Variants in ZFHX4 observed in about 807,000 individuals in gnomAD.
ZFHX4 encodes the protein zinc finger homeobox protein 4.
ZFHX4 carries 56 observed loss-of-function variants against 267.6 expected under a neutral mutation model. The ratio of observed to expected loss-of-function variants is 0.21; its 90% CI spans 0.17 to 0.26. The LOEUF is 0.26. Ranked by LOEUF, ZFHX4 falls within the 10% of genes least tolerant of loss-of-function variation. ZFHX4 has a pLI of 1.00. For missense variants in ZFHX4, 4,332 were observed against 4,420.0 expected, an observed-to-expected ratio of 0.98 and a Z score of 0.56; for synonymous variants, 1,778 against 1,665.6, an observed-to-expected ratio of 1.07 and a Z score of -1.64.
chr8:76,856,472 C>A (rs1394690413), intron 10 of ZFHX4, 172 bp downstream of exon 10: 1 of 727,388 alleles, frequency 1.4e-6, no homozygotes, highest in East Asian at 2.7e-5. Context: ...GGAAGTAGGT[C>A]AACCTGAAAC....
chr8:76,752,489 A>AC (rs1809643783), intron 3 of ZFHX4, among the ~76,000 whole-genome samples: 3 of 91,182 alleles, frequency 3.3e-5, no homozygotes, highest in African/African-American at 8.8e-5. Context: ...CAAAAATCCA[A>AC]AAAAAAAAAA....
intron 4 of ZFHX4, among the ~76,000 whole-genome samples, chr8:76,807,845 T>A (rs1362453228): frequency 6.6e-6 from 1 of 152,140 alleles, no homozygotes; most frequent in Non-Finnish European, 1.5e-5. Flanking sequence ...GTAATGATTT[T>A]GAAATACATG....
chr8:76,699,875 A>T (rs1808057650), intron 1 of ZFHX4, among the ~76,000 whole-genome samples: 1 of 151,750 alleles, frequency 6.6e-6, no homozygotes, highest in South Asian at 2.1e-4. Context: ...GCATAATACC[A>T]CTTTGATGGA....
At chr8:76,759,523 C>G (rs907365077) in intron 3 of ZFHX4, among the ~76,000 whole-genome samples, 2 of 152,100 alleles carry the variant, frequency 1.3e-5, no homozygotes, top group African/African-American at 2.4e-5. Context: ...TGGTTGATTG[C>G]CAAACAGTAA....
rs1470814128 is a variant in ZFHX4 at position 76,864,486 on chromosome 8, C to A, written c.10772C>A (p.Ser3591Tyr). ...CAGAAGCTAGAAGACTTAGATAATT[C>A]TTTGGAAGTGAAGGCTAAGCCTGCT... Reference protein sequence around the residue: ...LSQKLEDLDNSLEVKAKPASG... With the variant: ...LSQKLEDLDNYLEVKAKPASG... The change falls in exon 11 of 11, where the codon TCT becomes TAT. Residue 3591 changes from serine (S) to tyrosine (Y), a missense_variant. Ser to Tyr is a moderately radical substitution (Grantham distance 144, BLOSUM62 -2). Coordinates refer to ENST00000651372, the MANE Select transcript of ZFHX4 (RefSeq NM_024721.5). The A allele has an allele frequency of 1.2e-6, 2 of 1,613,506 alleles. No homozygotes were observed. The highest frequency in any genetic ancestry group is 1.7e-5 in the Admixed American group (1 of 59,946).
chr8:76,753,725 A>G (rs1237741214), intron 3 of ZFHX4, among the ~76,000 whole-genome samples: 1 of 150,202 alleles, frequency 6.7e-6, no homozygotes, highest in African/African-American at 2.5e-5. Context: ...TCCAAGCTCA[A>G]GCTATTCTCT....
At chr8:76,708,112 T>C (rs1808330070) in intron 3 of ZFHX4, 64 bp downstream of exon 3, 1 of 1,597,244 alleles carries the variant, frequency 6.3e-7, no homozygotes, top group East Asian at 2.2e-5. Flanking sequence ...TTTCAGAGCT[T>C]GGAGCACAAG....
Position 76,854,962 on chromosome 8 carries a change from C to T in ZFHX4, c.8041C>T (p.Arg2681Ter). 1 of 1,613,920 alleles carries T rather than the reference C, an allele frequency of 6.2e-7. No individual in the cohort carries two copies. Among genetic ancestry groups the T allele is most frequent in the East Asian group, 2.2e-5 (1 of 44,846 alleles). ...GTCTCATAAACGGTGTCCGTTTTGC[C>T]GAGCCCTGTTTAAAGCAAAGTCGGC... ...AQSHKRCPFC[R>*]ALFKAKSALE... Residue 2681 changes from arginine (R) to a stop codon, truncating the protein, a stop_gained, in exon 10 of 11, where the codon CGA becomes TGA. Coordinates refer to ENST00000651372, the MANE Select transcript of ZFHX4 (RefSeq NM_024721.5). LOFTEE classifies it high-confidence loss of function.
rs1234666316 is a variant in ZFHX4, at chr8:76,854,840, G to A, written c.7919G>A (p.Arg2640His). 4.3e-6 allele frequency: 7 copies of A among 1,609,214 alleles called. No homozygotes were observed. The highest frequency in any genetic ancestry group is 1.7e-4 in the Middle Eastern group (1 of 6,048). ...AGAAAAATGCTTGATCATATTGCCC[G>A]CGAAGTCGGGCTGAAAAAAAGGGTC... is the stretch of plus-strand genomic sequence containing the variant. ...PTRKMLDHIAREVGLKKRVVQ... is the reference protein window; with the variant it reads ...PTRKMLDHIAHEVGLKKRVVQ... Residue 2640 changes from arginine to histidine, a missense_variant, in exon 10 of 11, where the codon CGC becomes CAC. Physicochemically the swap from Arg to His is conservative, Grantham distance 29. Transcript: ENST00000651372.
Position 76,864,084 on chromosome 8 carries a change from G to A in ZFHX4, c.10370G>A (p.Ser3457Asn). 2 of 1,613,842 alleles carry A rather than the reference G, an allele frequency of 1.2e-6. No homozygotes were observed. Among genetic ancestry groups the A allele is most frequent in the Non-Finnish European group, 1.7e-6 (2 of 1,179,848 alleles). ...YQCLACDVAI[S>N]GNEALSQHLQ... ...TGTCTTGCCTGTGATGTGGCTATCA[G>A]TGGGAATGAAGCACTTAGCCAACAC... Residue 3457 changes from serine (S) to asparagine (N), a missense_variant, in exon 11 of 11, where the codon AGT becomes AAT. By Grantham distance (46) the Ser-to-Asn change is conservative (BLOSUM62 1). Coordinates refer to ENST00000651372, the MANE Select transcript of ZFHX4 (RefSeq NM_024721.5).
At chr8:76,862,682 G>A (rs533522424) in intron 10 of ZFHX4, among the ~76,000 whole-genome samples, 4 of 152,270 alleles carry the variant, frequency 2.6e-5, no homozygotes, top group Admixed American at 6.5e-5. Context: ...AGTGAAGGAC[G>A]GAGAGAGTCT....
At chr8:76,733,376 T>A (rs1357957258) in intron 3 of ZFHX4, 1 of 152,380 alleles carries the variant, frequency 6.6e-6, no homozygotes, top group Non-Finnish European at 1.5e-5. Flanking sequence ...CCCACGTCTG[T>A]GCTGAGGCAT....
intron 3 of ZFHX4, among the ~76,000 whole-genome samples, chr8:76,743,292 C>T (rs1712055509): frequency 6.6e-6 from 1 of 152,200 alleles, no homozygotes; most frequent in Non-Finnish European, 1.5e-5. Flanking sequence ...GCTACCATCA[C>T]ATGAATCCAT....
At position 76,705,694 on chromosome 8, in the gene ZFHX4, A is replaced by G. The variant is rs1219917669; in HGVS notation, c.1606A>G (p.Lys536Glu). The G allele has an allele frequency of 6.2e-7, 1 of 1,614,020 alleles. No individual in the cohort carries two copies. The highest frequency in any genetic ancestry group is 1.7e-5 in the Admixed American group (1 of 60,020). Residue 536 changes from lysine to glutamate, a missense_variant, in exon 2 of 11, where the codon AAA becomes GAA. Lys to Glu is a moderately conservative substitution (Grantham distance 56). Transcript: ENST00000651372. ...SATVSDDTEK[K>E]KQTAAVRASG... The stretch of plus-strand genomic sequence containing the variant: ...GACTGTTTCTGATGACACAGAAAAG[A>G]AAAAACAGACTGCTGCTGTTAGGGC...
Position 76,863,372 on chromosome 8 carries a change from G to GA in ZFHX4, c.9664dup (p.Ile3222AsnfsTer14). The stretch of plus-strand genomic sequence containing the variant: ...ACCCGAAAAACACCCCAAAAAAGAG[G>GA]AAAAAATCTCATCTGCTCTTTCAGT... On this transcript the variant is annotated frameshift_variant, in exon 11 of 11. Coordinates refer to ENST00000651372, the MANE Select transcript of ZFHX4 (RefSeq NM_024721.5). LOFTEE classifies it high-confidence loss of function. The GA allele has an allele frequency of 1.2e-6, 2 of 1,613,870 alleles. No individual in the cohort carries two copies. Among genetic ancestry groups the GA allele is most frequent in the Non-Finnish European group, 1.7e-6 (2 of 1,179,826 alleles).
At chr8:76,710,494 G>GA (rs1275899991) in intron 3 of ZFHX4, among the ~76,000 whole-genome samples, 3 of 152,046 alleles carry the variant, frequency 2.0e-5, no homozygotes, top group African/African-American at 7.2e-5. Context: ...CCTGAGCCTA[G>GA]AAAAAAATGA....
At chr8:76,762,343 T>C (rs918405074) in intron 3 of ZFHX4, among the ~76,000 whole-genome samples, 1 of 152,188 alleles carries the variant, frequency 6.6e-6, no homozygotes, top group Non-Finnish European at 1.5e-5. Flanking sequence ...ATACATGTAA[T>C]AGTACAGGAA....
At chr8:76,806,916 A>G (rs1439421357) in intron 4 of ZFHX4, among the ~76,000 whole-genome samples, 3 of 152,074 alleles carry the variant, frequency 2.0e-5, no homozygotes, top group African/African-American at 7.2e-5. Context: ...TTGGGACTGA[A>G]TAGTGCTTAA....
At chr8:76,861,704 T>C (rs1812871591) in intron 10 of ZFHX4, among the ~76,000 whole-genome samples, 1 of 151,976 alleles carries the variant, frequency 6.6e-6, no homozygotes, top group Admixed American at 6.6e-5. Context: ...TTTATTTTTA[T>C]TTTTTATTTT....
Sources: allele counts gnomAD v4.1 joint callset (sites outside exome capture counted in the v4.1 genomes callset), GRCh38; gene constraint gnomAD v4.1.1; transcripts MANE v1.5; gene names NCBI Gene and HGNC (gene_info 2026-07-23, HGNC 2026-07-21).